The following KIF20B variants were observed in gnomAD, a reference collection of about 807,000 sequenced individuals.
KIF20B encodes the protein kinesin family member 20B.
KIF20B carries 188 observed loss-of-function variants against 232.5 expected under a neutral mutation model. That is an observed-to-expected ratio of 0.81 (90% CI 0.72 to 0.91). KIF20B has a LOEUF of 0.91. Among genes scored for constraint, KIF20B ranks in the 40% least tolerant of loss-of-function variants. The probability of loss-of-function intolerance (pLI) is 0.00; values close to 1 mark genes in which losing one functional copy is unlikely to be tolerated. For synonymous variants in KIF20B, 712 were observed against 683.0 expected, an observed-to-expected ratio of 1.04 and a Z score of -0.66; for missense variants, 2,154 against 2,055.9, an observed-to-expected ratio of 1.05 and a Z score of -0.92.
Position 89,726,396 on chromosome 10 carries a change from C to G in KIF20B, c.2105C>G (p.Ser702Cys). The change falls in exon 16 of 33, where the codon TCT becomes TGT. Residue 702 changes from serine (S) to cysteine (C), a missense_variant. Transcript: ENST00000371728. ...QAEIAHLYIA[S>C]LPDPQEATAC... ...GAAATTGCTCACTTATATATTGCATCTCTTCCTGACCCCCAGGAAGCTACT... is the reference window on the plus strand; with the variant it reads ...GAAATTGCTCACTTATATATTGCATGTCTTCCTGACCCCCAGGAAGCTACT... 7 of 1,581,848 alleles carry G rather than the reference C, an allele frequency of 4.4e-6. No individual in the cohort carries two copies. The highest frequency in any genetic ancestry group is 6.0e-6 in the Non-Finnish European group (7 of 1,161,578).
intron 21 of KIF20B, among the ~76,000 whole-genome samples, chr10:89,742,621 A>G (rs1458278515): frequency 1.3e-5 from 2 of 152,082 alleles, no homozygotes; most frequent in African/African-American, 2.4e-5. Context: ...GTATTATTGG[A>G]ACATAAAGCT....
At chr10:89,753,606 A>G (rs1444350726) in intron 25 of KIF20B, among the ~76,000 whole-genome samples, 2 of 152,076 alleles carry the variant, frequency 1.3e-5, no homozygotes, top group African/African-American at 4.8e-5. Context: ...ACTTTGTAAT[A>G]TAGTGATTTT....
rs1017433995 is a variant in KIF20B, at chr10:89,732,174, T to G, written c.2392-729T>G. On this transcript the variant is annotated intron_variant, in intron 18 of 32. Coordinates refer to ENST00000371728, the MANE Select transcript of KIF20B (RefSeq NM_001284259.2). Reference sequence around the variant, plus strand: ...GGTCTCATCACTCTGTTGCCCAGGCTGAAGTGCAGTGATGTGACCATGGCT... The same window carrying G: ...GGTCTCATCACTCTGTTGCCCAGGCGGAAGTGCAGTGATGTGACCATGGCT... Among the ~76,000 whole-genome samples, 3 of 151,420 alleles carry G rather than the reference T, an allele frequency of 2.0e-5. 1 individual carries two copies. The highest frequency in any genetic ancestry group is 7.3e-5 in the African/African-American group (3 of 41,022).
At chr10:89,770,427 A>G (rs1196793541) in intron 31 of KIF20B, among the ~76,000 whole-genome samples, 1 of 152,018 alleles carries the variant, frequency 6.6e-6, no homozygotes, top group Non-Finnish European at 1.5e-5. Flanking sequence ...TTTGGAGAGG[A>G]GGGACATCTT....
At position 89,758,778 on chromosome 10, in the gene KIF20B, G is replaced by A. The variant is rs1842182069; in HGVS notation, c.4576G>A (p.Val1526Ile). 6.2e-7 allele frequency: 1 copy of A among 1,608,330 alleles called. No homozygotes were observed. The highest frequency in any genetic ancestry group is 1.1e-5 in the South Asian group (1 of 90,220). The part of the protein sequence containing the change: ...QKWREERDQL[V>I]AALEIQLKAL... ...GTGGCGAGAAGAACGAGATCAACTG[G>A]TTGCAGCTTTAGAAATACAGCTAAA... Residue 1526 changes from valine to isoleucine, a missense_variant, in exon 27 of 33, where the codon GTT (valine) becomes ATT (isoleucine). By Grantham distance (29) the Val-to-Ile change is conservative (BLOSUM62 3). Transcript: ENST00000371728.
At chr10:89,768,060 C>T (rs1240001879) in intron 29 of KIF20B, among the ~76,000 whole-genome samples, 1 of 151,994 alleles carries the variant, frequency 6.6e-6, no homozygotes, top group Non-Finnish European at 1.5e-5. Flanking sequence ...GGATGTTTAA[C>T]AGCATTCCTG....
intron 18 of KIF20B, among the ~76,000 whole-genome samples, chr10:89,732,317 C>T (rs1468359042): frequency 1.3e-5 from 2 of 152,038 alleles, no homozygotes; most frequent in Admixed American, 6.6e-5. Flanking sequence ...GAGACGGGTT[C>T]TCACTGTGTG....
chr10:89,768,243 A>C, intron 29 of KIF20B, 47 bp from the exon 30 acceptor site: 1 of 1,209,164 alleles, frequency 8.3e-7, no homozygotes, highest in Non-Finnish European at 1.2e-6. Context: ...CTAGAGAAAT[A>C]AAATATTGTC....
At chr10:89,727,576 C>A (rs1174599575) in intron 16 of KIF20B, among the ~76,000 whole-genome samples, 2 of 152,158 alleles carry the variant, frequency 1.3e-5, no homozygotes, top group Non-Finnish European at 2.9e-5. Flanking sequence ...GCACTAGCTC[C>A]TTTTCTTCTC....
In KIF20B at chr10:89,738,378, T is replaced by A. The variant is rs1178839875; in HGVS notation, c.3537T>A (p.His1179Gln). The A allele has an allele frequency of 6.2e-7, 1 of 1,605,840 alleles. No homozygotes were observed. The highest frequency in any genetic ancestry group is 1.3e-5 in the African/African-American group (1 of 74,404). Residue 1179 changes from histidine to glutamine, a missense_variant, in exon 20 of 33, where the codon CAT becomes CAA. By Grantham distance (24) the His-to-Gln change is conservative. Transcript: ENST00000371728. ...ILETQKVECS[H>Q]SAKLEQDILE... is the part of the protein sequence containing the mutation. ...AGACTCAGAAAGTTGAATGTAGTCATTCAGCCAAGTTAGAACAAGACATTT... is the reference window on the plus strand; with the variant it reads ...AGACTCAGAAAGTTGAATGTAGTCAATCAGCCAAGTTAGAACAAGACATTT...
chr10:89,705,540 A>C, intron 2 of KIF20B, 99 bp downstream of exon 2: 1 of 998,044 alleles, frequency 1.0e-6, no homozygotes, highest in Non-Finnish European at 1.5e-6. Context: ...TTTTGTACTT[A>C]GATACAAGCT....
In KIF20B at chr10:89,738,005, C is replaced by T; in HGVS notation, c.3164C>T (p.Ser1055Phe). ...QEPNRENSFH[S>F]SIEAIWEECK... is the part of the protein sequence containing the mutation. ...CCCAATAGGGAAAATTCTTTCCACT[C>T]TAGTATTGAAGCTATTTGGGAAGAA... is the stretch of plus-strand genomic sequence containing the variant. Residue 1055 changes from serine to phenylalanine, a missense_variant, in exon 20 of 33, where the codon TCT becomes TTT. Physicochemically the swap from Ser to Phe is radical, Grantham distance 155. Transcript: ENST00000371728. The T allele has an allele frequency of 6.2e-7, 1 of 1,613,124 alleles. No individual in the cohort carries two copies. The highest frequency in any genetic ancestry group is 8.5e-7 in the Non-Finnish European group (1 of 1,179,370).
Position 89,705,301 on chromosome 10 carries a change from T to A in KIF20B, c.7T>A (p.Ser3Thr). The part of the protein sequence containing the change: ME[S>T]NFNQEGVPRP... ...TTGCTGTTATTCTTGCAGAATGGAA[T>A]CTAATTTTAATCAAGAGGGAGTACC... Residue 3 changes from serine (S) to threonine (T), a missense_variant, in exon 2 of 33, where the codon TCT (serine) becomes ACT (threonine). Coordinates refer to ENST00000371728, the MANE Select transcript of KIF20B (RefSeq NM_001284259.2). 6.2e-7 allele frequency: 1 copy of A among 1,613,818 alleles called. No homozygotes were observed. The highest frequency in any genetic ancestry group is 2.2e-5 in the East Asian group (1 of 44,840).
intron 21 of KIF20B, among the ~76,000 whole-genome samples, chr10:89,740,821 A>T (rs1013264847): frequency 6.6e-6 from 1 of 151,970 alleles, no homozygotes; most frequent in Non-Finnish European, 1.5e-5. Context: ...ACCATGCCCT[A>T]GCTCCTTTTA....
At chr10:89,713,107 C>T (rs1474027990) in intron 6 of KIF20B, among the ~76,000 whole-genome samples, 1 of 152,064 alleles carries the variant, frequency 6.6e-6, no homozygotes, top group Admixed American at 6.5e-5. Flanking sequence ...TGCCTGTAAT[C>T]TCAGAACTTT....
In KIF20B at chr10:89,726,300, A is replaced by G. The variant is rs1432021348; in HGVS notation, c.2009A>G (p.His670Arg). 4 of 1,546,674 alleles carry G rather than the reference A, an allele frequency of 2.6e-6. No individual in the cohort carries two copies. Among genetic ancestry groups the G allele is most frequent in the East Asian group, 4.9e-5 (2 of 40,750 alleles). Residue 670 changes from histidine to arginine, a missense_variant, in exon 16 of 33, where the codon CAT (histidine) becomes CGT (arginine). Transcript: ENST00000371728. ...CATKVETEET[H>R]NYVGFEDIID... ...GGTTTTTGCTATTTTTAGGAAACAC[A>G]TAATTATGTAGGATTTGAAGATATT...
At chr10:89,753,157 GT>G (rs1349714858) in intron 25 of KIF20B, among the ~76,000 whole-genome samples, 1 of 151,806 alleles carries the variant, frequency 6.6e-6, no homozygotes, top group Admixed American at 6.6e-5. Flanking sequence ...GTGTGTGTGT[GT>G]TTTTTTCTTG....
chr10:89,711,915 C>T (rs1399379476), intron 6 of KIF20B, among the ~76,000 whole-genome samples: 2 of 152,020 alleles, frequency 1.3e-5, no homozygotes, highest in Non-Finnish European at 2.9e-5. Flanking sequence ...AAGAAACATT[C>T]CATTGCAAAT....
Position 89,711,136 on chromosome 10 carries a change from A to G in KIF20B, c.666A>G (p.Gln222=), listed in dbSNP as rs771814022. 6.5e-7 allele frequency: 1 copy of G among 1,540,438 alleles called. No homozygotes were observed. Among genetic ancestry groups the G allele is most frequent in the Admixed American group, 2.0e-5 (1 of 49,382 alleles). ...EIASKSALLR[Q]IKEVTVHNDS... ...CTAGCAAAAGTGCATTGCTTCGGCA[A>G]ATTAAAGAGGTATGGAAATATTTTA... The change falls in exon 6 of 33, where the codon CAA becomes CAG. Residue 222 remains glutamine (Q), a synonymous_variant. Coordinates refer to ENST00000371728, the MANE Select transcript of KIF20B (RefSeq NM_001284259.2).
Sources: allele counts gnomAD v4.1 joint callset (sites outside exome capture counted in the v4.1 genomes callset), GRCh38; gene constraint gnomAD v4.1.1; transcripts MANE v1.5; gene names NCBI Gene and HGNC (gene_info 2026-07-23, HGNC 2026-07-21).